HS6ST2: variants seen among roughly 807,000 people sequenced by gnomAD.
HS6ST2 encodes heparan sulfate 6-O-sulfotransferase 2.
A neutral mutation model predicts 33.0 loss-of-function variants in HS6ST2; 17 were observed. The ratio of observed to expected loss-of-function variants is 0.52; its 90% CI spans 0.35 to 0.77. The LOEUF (loss-of-function observed/expected upper bound fraction) is 0.77, where lower values mean the gene tolerates loss of function less well. Ranked by LOEUF, HS6ST2 falls within the 30% of genes least tolerant of loss-of-function variation. The pLI is 0.01. For missense variants in HS6ST2, 519 were observed against 551.7 expected, an observed-to-expected ratio of 0.94 and a Z score of 0.59; for synonymous variants, 248 against 237.1, an observed-to-expected ratio of 1.05 and a Z score of -0.42.
chrX:132,843,155 T>C (rs772799808), intron 2 of HS6ST2, among the ~76,000 whole-genome samples: 6 of 112,140 alleles, frequency 5.4e-5, no homozygotes, highest in Non-Finnish European at 1.1e-4. Flanking sequence ...TCATAAGTAT[T>C]ATATCCGTTA....
chrX:132,698,311 T>C (rs1462403763), intron 3 of HS6ST2, among the ~76,000 whole-genome samples: 1 of 112,392 alleles, frequency 8.9e-6, no homozygotes, highest in African/African-American at 3.2e-5. Flanking sequence ...TACTACATAG[T>C]TTGGAATGTC....
intron 2 of HS6ST2, among the ~76,000 whole-genome samples, chrX:132,871,791 G>C (rs929145155): frequency 4.6e-5 from 5 of 108,088 alleles, no homozygotes; most frequent in African/African-American, 1.7e-4. Context: ...GGAGTGAGGG[G>C]CTAGGGGAGG....
intron 2 of HS6ST2, among the ~76,000 whole-genome samples, chrX:132,868,763 TGGGACACA>T (rs1279285865): frequency 9.0e-6 from 1 of 111,667 alleles, no homozygotes; most frequent in African/African-American, 3.3e-5. Flanking sequence ...CCAGAATCTC[TGGGACACA>T]GCTAAAGCAG....
intron 3 of HS6ST2, among the ~76,000 whole-genome samples, chrX:132,706,515 C>G (rs981823203): frequency 1.8e-5 from 2 of 111,739 alleles, no homozygotes; most frequent in Non-Finnish European, 3.8e-5. Flanking sequence ...GGCACTCTGG[C>G]TATTAATGTT....
intron 2 of HS6ST2, among the ~76,000 whole-genome samples, chrX:132,903,219 T>G (rs1342016140): frequency 1.8e-5 from 2 of 111,737 alleles, no homozygotes; most frequent in Admixed American, 1.9e-4. Flanking sequence ...AATTAAATAC[T>G]TAGGAATAAA....
At position 132,670,402 on chromosome X, in the gene HS6ST2, A is replaced by G. The variant is rs141085912; in HGVS notation, c.981-1203T>C. ...ATGGATATGATTGGAACAAGAGATAATGATGGGTTCCTGGTGATTGCAAAG... is the reference window on the plus strand; with the variant it reads ...ATGGATATGATTGGAACAAGAGATAGTGATGGGTTCCTGGTGATTGCAAAG... On this transcript the variant is annotated intron_variant, in intron 3 of 4. Coordinates refer to ENST00000370833, the MANE Select transcript of HS6ST2 (RefSeq NM_001394073.1). Among the ~76,000 whole-genome samples the G allele has an allele frequency of 8.6e-3, 957 of 111,560 alleles. 8 individuals carry two copies. Among genetic ancestry groups the G allele is most frequent in the African/African-American group, 0.029 (902 of 30,702 alleles).
At chrX:132,864,907 T>C (rs1234990060) in intron 2 of HS6ST2, among the ~76,000 whole-genome samples, 2 of 111,401 alleles carry the variant, frequency 1.8e-5, no homozygotes, top group Non-Finnish European at 3.8e-5. Flanking sequence ...TAACAGCAGA[T>C]CTCTCTGCAG....
intron 2 of HS6ST2, among the ~76,000 whole-genome samples, chrX:132,709,647 G>T (rs764807015): frequency 3.6e-5 from 4 of 110,587 alleles, no homozygotes; most frequent in Non-Finnish European, 7.6e-5. Flanking sequence ...ACCATCCAGA[G>T]CCCAATGTGC....
intron 2 of HS6ST2, among the ~76,000 whole-genome samples, chrX:132,723,950 C>T (rs2064363669): frequency 9.0e-6 from 1 of 110,726 alleles, no homozygotes; most frequent in Non-Finnish European, 1.9e-5. Flanking sequence ...TCCTGGTTAA[C>T]ACAGTGAAAC....
intron 3 of HS6ST2, among the ~76,000 whole-genome samples, chrX:132,697,106 T>C (rs150663452): frequency 3.9e-4 from 44 of 112,388 alleles, no homozygotes; most frequent in African/African-American, 1.4e-3. Context: ...AAGAAAATAC[T>C]CTCTAGGGGA....
At chrX:132,752,773 C>T (rs957839197) in intron 2 of HS6ST2, among the ~76,000 whole-genome samples, 11 of 112,457 alleles carry the variant, frequency 9.8e-5, no homozygotes, top group Non-Finnish European at 1.9e-4. Flanking sequence ...GCAGCTTCTT[C>T]GCCCTGAGGA....
intron 2 of HS6ST2, among the ~76,000 whole-genome samples, chrX:132,886,565 C>T (rs780108287): frequency 1.8e-5 from 2 of 110,104 alleles, no homozygotes; most frequent in Non-Finnish European, 3.8e-5. Flanking sequence ...AATAAATAGC[C>T]TACAACCAAA....
At chrX:132,643,787 G>A (rs989557867) in intron 4 of HS6ST2, among the ~76,000 whole-genome samples, 1 of 111,837 alleles carries the variant, frequency 8.9e-6, no homozygotes, top group African/African-American at 3.2e-5. Context: ...CCATAAAAAA[G>A]GACTCAAAGT....
rs747192471 is a variant in HS6ST2, at chrX:132,628,493, T to C, written c.1668A>G (p.Glu556=). Reference sequence around the variant, plus strand: ...GCCTTCCCTTCAGAAATTTGCGTTGTTCCTGACGCTTTCGCCTGGCCTCCT... The same window carrying C: ...GCCTTCCCTTCAGAAATTTGCGTTGCTCCTGACGCTTTCGCCTGGCCTCCT... ...EHQEARRKRQ[E]QRKFLKGRLL... is the part of the protein sequence containing the mutation. Residue 556 remains glutamate, a synonymous_variant, in exon 5 of 5, where the codon GAA becomes GAG. Coordinates refer to ENST00000370833, the MANE Select transcript of HS6ST2 (RefSeq NM_001394073.1). 9.9e-6 allele frequency: 12 copies of C among 1,209,101 alleles called. No individual in the cohort carries two copies. The highest frequency in any genetic ancestry group is 1.8e-5 in the African/African-American group (1 of 56,916).
At chrX:132,700,458 C>T (rs933687823) in intron 3 of HS6ST2, among the ~76,000 whole-genome samples, 6 of 108,939 alleles carry the variant, frequency 5.5e-5, no homozygotes, top group South Asian at 4.0e-4. Flanking sequence ...CTTTCAGTTC[C>T]GAAAGAGGAA....
chrX:132,795,224 C>T, intron 2 of HS6ST2, among the ~76,000 whole-genome samples: 1 of 111,870 alleles, frequency 8.9e-6, no homozygotes, highest in Non-Finnish European at 1.9e-5. Flanking sequence ...TATGGATTTG[C>T]CTATTCTGAT....
chrX:132,909,927 T>C (rs754037317), intron 2 of HS6ST2, among the ~76,000 whole-genome samples: 6 of 111,200 alleles, frequency 5.4e-5, no homozygotes, highest in Non-Finnish European at 9.4e-5. Context: ...CATCATAATT[T>C]AACCACCACC....
chrX:132,897,036 G>A (rs1049148441), intron 2 of HS6ST2, among the ~76,000 whole-genome samples: 1 of 111,760 alleles, frequency 8.9e-6, no homozygotes, highest in African/African-American at 3.2e-5. Context: ...ACTAAGTCTT[G>A]AGCTTTGAAG....
At chrX:132,805,762 A>G in intron 2 of HS6ST2, among the ~76,000 whole-genome samples, 1 of 110,414 alleles carries the variant, frequency 9.1e-6, no homozygotes, top group East Asian at 2.8e-4. Flanking sequence ...GTGTGCCCGG[A>G]TGGCTGCACG....
Sources: allele counts gnomAD v4.1 joint callset (sites outside exome capture counted in the v4.1 genomes callset), GRCh38; gene constraint gnomAD v4.1.1; transcripts MANE v1.5; gene names NCBI Gene and HGNC (gene_info 2026-07-23, HGNC 2026-07-21).